Variants in PTPN3 observed in about 807,000 individuals in gnomAD.
PTPN3 encodes protein tyrosine phosphatase non-receptor type 3.
A neutral mutation model predicts 132.7 loss-of-function variants in PTPN3; 96 were observed. The observed-to-expected ratio is 0.72, with a 90% CI of 0.61 to 0.86. The LOEUF is 0.86. Ranked by LOEUF, PTPN3 falls within the 40% of genes least tolerant of loss-of-function variation. The pLI is 0.00. For synonymous variants in PTPN3, 398 were observed against 429.0 expected, an observed-to-expected ratio of 0.93 and a Z score of 0.89; for missense variants, 1,125 against 1,159.6, an observed-to-expected ratio of 0.97 and a Z score of 0.43.
At chr9:109,449,808 A>C (rs1845129691) in intron 5 of PTPN3, 2 of 985,496 alleles carry the variant, frequency 2.0e-6, no homozygotes, top group Non-Finnish European at 1.2e-6. Context: ...TTCACAATTG[A>C]AACAAATCAG....
chr9:109,522,317 G>A, the PTPN3 span, among the ~76,000 whole-genome samples: 1 of 152,128 alleles, frequency 6.6e-6, no homozygotes, highest in Non-Finnish European at 1.5e-5. Context: ...AAAAGTGTGG[G>A]CCCCTCACCT....
At chr9:109,448,744 C>G in intron 6 of PTPN3, 67 bp downstream of exon 6, 12 of 1,411,760 alleles carry the variant, frequency 8.5e-6, no homozygotes, top group Non-Finnish European at 1.2e-5. Context: ...GAAATAAACA[C>G]TCATTAGATT....
rs1838539268 is a variant in PTPN3 at position 109,376,116 on chromosome 9, ATTAATT to A, written c.*3434_*3439del. 3 of 152,220 alleles carry A rather than the reference ATTAATT, an allele frequency of 2.0e-5. No homozygotes were observed. 9.4% of individuals were successfully genotyped at this position (152,220 alleles called of 1,614,324 possible). On this transcript the variant is annotated 3_prime_UTR_variant, in exon 26 of 26. Transcript: ENST00000374541. Reference sequence around the variant, plus strand: ...AGCAGCCATAAAGCTTTGGTTTAGGATTAATTTTGATTCTCTGGAATATCAGCCTCC... The same window carrying A: ...AGCAGCCATAAAGCTTTGGTTTAGGATTGATTCTCTGGAATATCAGCCTCC...
At chr9:109,429,987 C>A (rs1353019944) in intron 10 of PTPN3, among the ~76,000 whole-genome samples, 5 of 152,128 alleles carry the variant, frequency 3.3e-5, no homozygotes, top group African/African-American at 1.2e-4. Context: ...CAGCAATATA[C>A]CTCTATTACA....
chr9:109,420,064 TA>T (rs1652224846), intron 14 of PTPN3, among the ~76,000 whole-genome samples: 1 of 152,192 alleles, frequency 6.6e-6, no homozygotes, highest in Admixed American at 6.5e-5. Context: ...TTTAATAATC[TA>T]GAGAAATCAG....
At chr9:109,393,639 G>T (rs761136039) in intron 19 of PTPN3, among the ~76,000 whole-genome samples, 3 of 151,928 alleles carry the variant, frequency 2.0e-5, no homozygotes, top group Non-Finnish European at 4.4e-5. Flanking sequence ...CACACACCTC[G>T]GCCTCTGAAA....
Position 109,410,064 on chromosome 9 carries a change from C to T in PTPN3, c.1513G>A (p.Asp505Asn), listed in dbSNP as rs1265989836. The T allele has an allele frequency of 6.2e-7, 1 of 1,614,228 alleles. No individual in the cohort carries two copies. The highest frequency in any genetic ancestry group is 8.5e-7 in the Non-Finnish European group (1 of 1,180,050). ...ATACGGATCAAGACTAAGTAGCTGT[C>T]ACCATTATCATTCTGGAAAACGGTT... ...QYYCDKNDNG[D>N]SYLVLIRITP... Residue 505 changes from aspartate (D) to asparagine (N), a missense_variant, in exon 16 of 26, where the codon GAC becomes AAC. Asp to Asn is a conservative substitution (Grantham distance 23). Transcript: ENST00000374541.
At chr9:109,477,318 C>A (rs1400055608) in intron 1 of PTPN3, among the ~76,000 whole-genome samples, 2 of 152,102 alleles carry the variant, frequency 1.3e-5, no homozygotes, top group East Asian at 3.9e-4. Context: ...GGGAAATGGC[C>A]CAGAAAACCT....
intron 10 of PTPN3, among the ~76,000 whole-genome samples, chr9:109,431,122 G>C (rs935479738): frequency 6.6e-6 from 1 of 152,226 alleles, no homozygotes; most frequent in African/African-American, 2.4e-5. Flanking sequence ...GGCCTCGACA[G>C]GAGCCATCTT....
intron 10 of PTPN3, among the ~76,000 whole-genome samples, chr9:109,430,033 G>C (rs1160840168): frequency 3.3e-5 from 5 of 152,116 alleles, no homozygotes; most frequent in Non-Finnish European, 7.4e-5. Flanking sequence ...TATTTTCAAC[G>C]ATCTGTTGGT....
intron 5 of PTPN3, chr9:109,450,481 T>C (rs1845176913): frequency 1.0e-6 from 1 of 984,038 alleles, no homozygotes; most frequent in South Asian, 4.7e-5. Flanking sequence ...AATGAGAAGA[T>C]AAACGTGGAG....
At chr9:109,462,759 G>C (rs1025595501) in intron 2 of PTPN3, among the ~76,000 whole-genome samples, 108 of 152,022 alleles carry the variant, frequency 7.1e-4, no homozygotes, top group Non-Finnish European at 1.0e-3. Context: ...CATCTGTGAG[G>C]CTGATTGTTT....
chr9:109,504,342 G>A, the PTPN3 span, among the ~76,000 whole-genome samples: 1 of 152,172 alleles, frequency 6.6e-6, no homozygotes, highest in South Asian at 2.1e-4. Context: ...GTCTCAGCTG[G>A]ACAGGGAGCC....
chr9:109,417,547 T>C, intron 14 of PTPN3: 1 of 954,298 alleles, frequency 1.0e-6, no homozygotes, highest in Non-Finnish European at 1.2e-6. Context: ...TTTTTTTTTC[T>C]TTTTTTCTCT....
the PTPN3 span, among the ~76,000 whole-genome samples, chr9:109,528,765 G>GCCTTT: frequency 4.6e-5 from 7 of 152,186 alleles, no homozygotes; most frequent in African/African-American, 1.4e-4. Context: ...GTGTGTAACA[G>GCCTTT]CCTTTCCTTT....
chr9:109,413,817 C>T (rs1281273243), intron 14 of PTPN3, among the ~76,000 whole-genome samples: 1 of 152,160 alleles, frequency 6.6e-6, no homozygotes, highest in Non-Finnish European at 1.5e-5. Flanking sequence ...CCAGAAAACA[C>T]ATGCTTCTGA....
chr9:109,382,438 C>A lies in PTPN3; in HGVS notation c.2392G>T (p.Glu798Ter). 6.2e-7 allele frequency: 1 copy of A among 1,614,152 alleles called. No individual in the cohort carries two copies. Among genetic ancestry groups the A allele is most frequent in the Non-Finnish European group, 8.5e-7 (1 of 1,180,044 alleles). Residue 798 changes from glutamate to a stop codon, truncating the protein, a stop_gained, in exon 24 of 26, where the codon GAA becomes TAA. Transcript: ENST00000374541. LOFTEE classifies it high-confidence loss of function. ...MLVTNTQTGE[E>*]HTVTHLQYVA... is the part of the protein sequence containing the mutation. ...TACTGGAGATGTGTCACTGTGTGTT[C>A]TTCCCCGGTCTGTGGGAGATGCAGT...
the PTPN3 span, among the ~76,000 whole-genome samples, chr9:109,526,425 C>T: frequency 2.0e-5 from 3 of 151,788 alleles, no homozygotes; most frequent in Admixed American, 6.6e-5. Context: ...ATAATCCCAA[C>T]ACTTTGTGGG....
intron 9 of PTPN3, among the ~76,000 whole-genome samples, chr9:109,433,923 A>ATT (rs1564437183): frequency 1.1e-4 from 16 of 150,346 alleles, no homozygotes; most frequent in Non-Finnish European, 2.1e-4. Flanking sequence ...GTTTAAAAAA[A>ATT]AAAAAAAAAA....
Sources: gnomAD v4.1 joint callset for allele counts (sites outside exome capture counted in the v4.1 genomes callset) on GRCh38, gnomAD v4.1.1 for gene constraint, MANE v1.5 for transcripts, NCBI Gene and HGNC (gene_info 2026-07-23, HGNC 2026-07-21) for gene names.